The following RGS22 variants were observed in gnomAD, a reference collection of about 807,000 sequenced individuals.
RGS22 encodes regulator of G-protein signaling 22.
In RGS22, 148 loss-of-function variants were observed where a neutral mutation model predicts 172.9. The ratio of observed to expected loss-of-function variants is 0.86; its 90% CI spans 0.75 to 0.98. RGS22 has a LOEUF of 0.98. Among genes scored for constraint, RGS22 ranks in the 50% least tolerant of loss-of-function variants. The pLI is 0.00. For missense variants in RGS22, 1,347 were observed against 1,440.8 expected, an observed-to-expected ratio of 0.93 and a Z score of 1.05; for synonymous variants, 458 against 480.2, an observed-to-expected ratio of 0.95 and a Z score of 0.60.
rs377679767 is a variant in RGS22, at chr8:100,106,008, G to A, written c.-87C>T. On this transcript the variant is annotated 5_prime_UTR_variant, in exon 1 of 28. Coordinates refer to ENST00000360863, the MANE Select transcript of RGS22 (RefSeq NM_015668.5). ...CAGCGCGGGTCAGGGCCTGAGCGAC[G>A]CGGCGACGGCGCGCGGGCTCCGGAG... 154 of 1,202,364 alleles carry A rather than the reference G, an allele frequency of 1.3e-4. 2 individuals are homozygous for A. In the East Asian group the frequency reaches 3.2e-3, roughly 25 times the overall value. The allele number at this position is 1,202,364 out of a possible 1,614,324, so 74.5% of individuals were successfully genotyped here.
intron 4 of RGS22, among the ~76,000 whole-genome samples, chr8:100,079,644 G>A (rs919021365): frequency 6.6e-6 from 1 of 152,148 alleles, no homozygotes; most frequent in Non-Finnish European, 1.5e-5. Context: ...GAGTCAGTAA[G>A]CAGAGGAGCC....
At chr8:100,013,232 G>A (rs1448422614) in intron 14 of RGS22, among the ~76,000 whole-genome samples, 2 of 151,946 alleles carry the variant, frequency 1.3e-5, no homozygotes, top group Non-Finnish European at 2.9e-5. Context: ...CTCGTGATCC[G>A]CCCGCCTCGG....
intron 14 of RGS22, among the ~76,000 whole-genome samples, chr8:100,012,996 T>C (rs1019097929): frequency 1.4e-5 from 2 of 145,898 alleles, no homozygotes; most frequent in Non-Finnish European, 3.0e-5. Flanking sequence ...TTTTTTTTTT[T>C]TTTTTTTGAG....
Position 100,051,640 on chromosome 8 carries a change from T to G in RGS22, c.1689+1162A>C, listed in dbSNP as rs1167505273. 7.7e-5 allele frequency among the ~76,000 whole-genome samples: 3 copies of G among 39,112 alleles called. 1 individual carries two copies. The highest frequency in any genetic ancestry group is 1.9e-3 in the East Asian group (2 of 1,056). 25.7% of individuals were successfully genotyped at this position (39,112 alleles called of 152,430 possible). A position where few individuals can be genotyped will look rare whatever the true frequency, so the allele number is the denominator to read the frequency against. Reference sequence around the variant, plus strand: ...ATACATATATAAATATATATTTATATATGTTTATACATATATAAATATATA... The same window carrying G: ...ATACATATATAAATATATATTTATAGATGTTTATACATATATAAATATATA... On this transcript the variant is annotated intron_variant, in intron 10 of 27. Transcript: ENST00000360863.
intron 10 of RGS22, among the ~76,000 whole-genome samples, chr8:100,048,833 G>T (rs1307956084): frequency 6.6e-6 from 1 of 152,054 alleles, no homozygotes; most frequent in Non-Finnish European, 1.5e-5. Flanking sequence ...GGGCTGTGGG[G>T]ATGGGGAAAA....
At chr8:100,085,938 G>T (rs1812125223) in intron 3 of RGS22, among the ~76,000 whole-genome samples, 1 of 152,090 alleles carries the variant, frequency 6.6e-6, no homozygotes, top group Non-Finnish European at 1.5e-5. Context: ...CACAGAACAA[G>T]CACAATAGAA....
intron 22 of RGS22, among the ~76,000 whole-genome samples, chr8:99,981,382 GAC>G (rs1812531087): frequency 6.6e-6 from 1 of 152,004 alleles, no homozygotes; most frequent in Admixed American, 6.6e-5. Flanking sequence ...CAAATCTTGG[GAC>G]ACACATATTT....
At chr8:100,048,056 C>CT (rs1417286808) in intron 10 of RGS22, among the ~76,000 whole-genome samples, 4 of 151,948 alleles carry the variant, frequency 2.6e-5, no homozygotes, top group Non-Finnish European at 2.9e-5. Flanking sequence ...CTTAACAGCA[C>CT]TATTTCCTTC....
intron 19 of RGS22, among the ~76,000 whole-genome samples, chr8:99,998,691 CCCAGGCTAGAGTGCACTGA>C (rs752450648): frequency 7.9e-5 from 12 of 152,072 alleles, no homozygotes; most frequent in Non-Finnish European, 1.8e-4. Context: ...CACTCTGTCA[CCCAGGCTAGAGTGCACTGA>C]TGTGATCATA....
chr8:100,014,801 T>A (rs1327722762), intron 14 of RGS22, among the ~76,000 whole-genome samples: 1 of 152,154 alleles, frequency 6.6e-6, no homozygotes, highest in African/African-American at 2.4e-5. Context: ...CTGCACTCTA[T>A]CCCTTCTATG....
intron 3 of RGS22, among the ~76,000 whole-genome samples, chr8:100,081,382 ATT>A (rs1563712545): frequency 6.7e-6 from 1 of 148,226 alleles, no homozygotes; most frequent in Admixed American, 6.8e-5. Context: ...ATATATATAT[ATT>A]TAAATTTTAA....
chr8:100,051,651 A>G lies in RGS22; in HGVS notation c.1689+1151T>C, dbSNP rs1400468708. Among the ~76,000 whole-genome samples the G allele has an allele frequency of 2.3e-3, 54 of 23,574 alleles. 12 individuals are homozygous for G. Among genetic ancestry groups the G allele is most frequent in the Admixed American group, 6.8e-3 (8 of 1,180 alleles). 15.5% of individuals were successfully genotyped at this position (23,574 alleles called of 152,430 possible). On this transcript the variant is annotated intron_variant, in intron 10 of 27. Coordinates refer to ENST00000360863, the MANE Select transcript of RGS22 (RefSeq NM_015668.5). ...AATATATATTTATATATGTTTATAC[A>G]TATATAAATATATATTTATATATGT...
At chr8:100,105,700 T>G (rs1287116641) in intron 1 of RGS22, 197 bp downstream of exon 1, 1 of 555,904 alleles carries the variant, frequency 1.8e-6, no homozygotes, top group African/African-American at 2.0e-5. Context: ...TTAAGCGAGA[T>G]AACGTGGTGC....
chr8:100,086,846 C>T (rs902847955), intron 3 of RGS22, among the ~76,000 whole-genome samples: 13 of 152,162 alleles, frequency 8.5e-5, no homozygotes, highest in Non-Finnish European at 1.8e-4. Context: ...TTAAGAATCA[C>T]TGCTTTACAA....
chr8:99,994,632 G>T (rs1814151951), intron 20 of RGS22, among the ~76,000 whole-genome samples: 1 of 152,160 alleles, frequency 6.6e-6, no homozygotes, highest in Non-Finnish European at 1.5e-5. Flanking sequence ...ACAAATGGAA[G>T]AACTTTCCAT....
intron 20 of RGS22, among the ~76,000 whole-genome samples, chr8:99,989,476 C>T (rs184547512): frequency 6.6e-6 from 1 of 152,004 alleles, no homozygotes; most frequent in African/African-American, 2.4e-5. Flanking sequence ...TATGTATGCT[C>T]CTGCTCGGCA....
intron 2 of RGS22, among the ~76,000 whole-genome samples, chr8:100,098,507 C>T (rs1049417436): frequency 1.3e-5 from 2 of 152,188 alleles, no homozygotes; most frequent in Admixed American, 1.3e-4. Flanking sequence ...CAGATCCCCA[C>T]TGGTTTGCAA....
At chr8:100,028,346 G>A (rs1818398698) in intron 14 of RGS22, among the ~76,000 whole-genome samples, 1 of 149,884 alleles carries the variant, frequency 6.7e-6, no homozygotes. Context: ...AGGCTGCCAA[G>A]ATACCAGAAA....
chr8:99,991,951 G>A (rs1394332192), intron 20 of RGS22, among the ~76,000 whole-genome samples: 1 of 152,138 alleles, frequency 6.6e-6, no homozygotes. Flanking sequence ...AAAAGAGTGG[G>A]GGCCAATATT....
Sources: gnomAD v4.1 joint callset for allele counts (sites outside exome capture counted in the v4.1 genomes callset) on GRCh38, gnomAD v4.1.1 for gene constraint, MANE v1.5 for transcripts, NCBI Gene and HGNC (gene_info 2026-07-23, HGNC 2026-07-21) for gene names.